Variants in PTPRQ observed in about 807,000 individuals in gnomAD.
The protein encoded by PTPRQ is phosphatidylinositol phosphatase PTPRQ.
A neutral mutation model predicts 246.0 loss-of-function variants in PTPRQ; 199 were observed. The ratio of observed to expected loss-of-function variants is 0.81; its 90% CI spans 0.72 to 0.91. The LOEUF is 0.91. Among genes scored for constraint, PTPRQ ranks in the 40% least tolerant of loss-of-function variants. The pLI is 0.00. For synonymous variants in PTPRQ, 869 were observed against 853.2 expected (o/e 1.02, Z -0.32); for missense variants, 2,624 against 2,528.4 (o/e 1.04, Z -0.81).
At chr12:80,480,633 T>C (rs1894009921) in intron 8 of PTPRQ, among the ~76,000 whole-genome samples, 1 of 151,328 alleles carries the variant, frequency 6.6e-6, no homozygotes, top group African/African-American at 2.4e-5. Context: ...CTAGCAAGAC[T>C]AATAAAGAAA....
At chr12:80,546,178 G>A (rs1445041122) in intron 23 of PTPRQ, among the ~76,000 whole-genome samples, 1 of 152,028 alleles carries the variant, frequency 6.6e-6, no homozygotes, top group Non-Finnish European at 1.5e-5. Context: ...TATTAGCTGG[G>A]TGTGGTGGCA....
In PTPRQ at chr12:80,634,980, C is replaced by A. The variant is rs1488844560; in HGVS notation, c.5822C>A (p.Ser1941Tyr). 1 of 1,551,094 alleles carries A rather than the reference C, an allele frequency of 6.4e-7. No individual in the cohort carries two copies. Among genetic ancestry groups the A allele is most frequent in the Admixed American group, 2.0e-5 (1 of 50,942 alleles). The change falls in exon 35 of 45, where the codon TCT becomes TAT. Residue 1941 changes from serine to tyrosine, a missense_variant. Coordinates refer to ENST00000644991, the MANE Select transcript of PTPRQ (RefSeq NM_001145026.2). ...RQKQKEGGTY[S>Y]PQDAEIIDTK... The stretch of plus-strand genomic sequence containing the variant: ...AAGCAGAAAGAAGGTGGCACATACT[C>A]TCCTCAGGATGCAGAAATTATTGAC...
chr12:80,588,411 G>A lies in PTPRQ; in HGVS notation c.4568G>A (p.Gly1523Asp). ...QVAASTNAGY[G>D]NASNWISTKT... Reference sequence around the variant, plus strand: ...GCTGCCAGCACCAATGCTGGCTATGGCAATGCTTCAAACTGGATTTCTACA... The same window carrying A: ...GCTGCCAGCACCAATGCTGGCTATGACAATGCTTCAAACTGGATTTCTACA... Residue 1523 changes from glycine to aspartate, a missense_variant, in exon 26 of 45, where the codon GGC (glycine) becomes GAC (aspartate). Transcript: ENST00000644991. 3 of 1,509,772 alleles carry A rather than the reference G, an allele frequency of 2.0e-6. No individual in the cohort carries two copies. Among genetic ancestry groups the A allele is most frequent in the Non-Finnish European group, 2.7e-6 (3 of 1,126,686 alleles). 93.5% of individuals were successfully genotyped at this position (1,509,772 alleles called of 1,614,324 possible).
intron 19 of PTPRQ, among the ~76,000 whole-genome samples, chr12:80,535,574 T>C (rs138625804): frequency 5.9e-5 from 9 of 152,332 alleles, no homozygotes; most frequent in African/African-American, 2.2e-4. Flanking sequence ...GGAATGTGTT[T>C]AATTAATTTG....
intron 35 of PTPRQ, among the ~76,000 whole-genome samples, chr12:80,642,976 T>C (rs984093227): frequency 6.8e-6 from 1 of 147,920 alleles, no homozygotes; most frequent in African/African-American, 2.5e-5. Context: ...TGCTAGGCAC[T>C]GTTTTAGGCA....
intron 14 of PTPRQ, among the ~76,000 whole-genome samples, chr12:80,500,507 C>T (rs978306680): frequency 6.6e-6 from 1 of 151,890 alleles, no homozygotes; most frequent in Non-Finnish European, 1.5e-5. Context: ...CAGACAACTG[C>T]AGAGAGAAAA....
chr12:80,494,921 G>A lies in PTPRQ; in HGVS notation c.1541-12G>A. 1 of 1,512,502 alleles carries A rather than the reference G, an allele frequency of 6.6e-7. No individual in the cohort carries two copies. Among genetic ancestry groups the A allele is most frequent in the Non-Finnish European group, 8.9e-7 (1 of 1,129,134 alleles). 93.7% of individuals were successfully genotyped at this position (1,512,502 alleles called of 1,614,324 possible). On this transcript the variant is annotated splice_polypyrimidine_tract_variant and intron_variant, in intron 10 of 44. Transcript: ENST00000644991. ...ACCTTTCTTTTTTTCTCTTTTTACT[G>A]AATTCAAACAGTAACTACAAGGAAT...
intron 25 of PTPRQ, among the ~76,000 whole-genome samples, chr12:80,568,626 A>G (rs961625031): frequency 6.6e-6 from 1 of 152,188 alleles, no homozygotes; most frequent in Non-Finnish European, 1.5e-5. Flanking sequence ...CGTTTATGTT[A>G]TATTCAAATT....
rs188264469 is a variant in PTPRQ at position 80,629,454 on chromosome 12, A to T, written c.5687-2738A>T. ...CCAGAAAGATATACAAGGCATACAC[A>T]CCTTTGCAGGCAGAGGAAGAAGCTG... On this transcript the variant is annotated intron_variant, in intron 33 of 44. Coordinates refer to ENST00000644991, the MANE Select transcript of PTPRQ (RefSeq NM_001145026.2). Among the ~76,000 whole-genome samples, 10 of 152,270 alleles carry T rather than the reference A, an allele frequency of 6.6e-5. No individual in the cohort carries two copies. In the East Asian group the frequency reaches 1.7e-3, roughly 26 times the overall value.
chr12:80,449,549 T>C (rs1406003076), intron 3 of PTPRQ, among the ~76,000 whole-genome samples: 3 of 152,198 alleles, frequency 2.0e-5, no homozygotes, highest in South Asian at 2.1e-4. Flanking sequence ...AATTGATTTT[T>C]GTATAAGGTG....
At chr12:80,588,865 C>A (rs932950963) in intron 26 of PTPRQ, among the ~76,000 whole-genome samples, 2 of 152,224 alleles carry the variant, frequency 1.3e-5, no homozygotes, top group African/African-American at 4.8e-5. Context: ...CTTACACACA[C>A]ACACGTGTGA....
intron 25 of PTPRQ, among the ~76,000 whole-genome samples, chr12:80,550,854 C>T (rs1209571459): frequency 6.6e-6 from 1 of 152,010 alleles, no homozygotes; most frequent in Non-Finnish European, 1.5e-5. Context: ...GAAAATTGTT[C>T]TCTTTCTGAA....
chr12:80,622,302 G>A (rs189248983), intron 33 of PTPRQ, among the ~76,000 whole-genome samples, 168 bp downstream of exon 33: 2 of 152,036 alleles, frequency 1.3e-5, no homozygotes, highest in African/African-American at 4.8e-5. Context: ...TTTTCTTTTA[G>A]GTTTAGGAGT....
intron 25 of PTPRQ, among the ~76,000 whole-genome samples, chr12:80,585,307 A>G (rs752883476): frequency 1.3e-5 from 2 of 152,054 alleles, no homozygotes; most frequent in Non-Finnish European, 2.9e-5. Context: ...CTGATATTTC[A>G]CATACCACAC....
chr12:80,658,657 G>T (rs943361537), intron 39 of PTPRQ, among the ~76,000 whole-genome samples: 3 of 151,842 alleles, frequency 2.0e-5, no homozygotes, highest in South Asian at 4.1e-4. Flanking sequence ...TTCCTAAGAC[G>T]GGATTCTATC....
At chr12:80,601,209 A>T (rs769267767) in intron 26 of PTPRQ, among the ~76,000 whole-genome samples, 27 of 151,708 alleles carry the variant, frequency 1.8e-4, no homozygotes, top group Non-Finnish European at 3.7e-4. Flanking sequence ...CTTGTGTATT[A>T]TATATTCATT....
chr12:80,526,397 A>G (rs1895687893), intron 17 of PTPRQ, among the ~76,000 whole-genome samples: 1 of 152,160 alleles, frequency 6.6e-6, no homozygotes, highest in African/African-American at 2.4e-5. Context: ...TGGTTTTTGT[A>G]TGGTGAATAG....
chr12:80,467,732 T>G (rs1213493367), intron 6 of PTPRQ, among the ~76,000 whole-genome samples: 2 of 148,290 alleles, frequency 1.3e-5, no homozygotes, highest in South Asian at 2.1e-4. Context: ...TTGGAAATCA[T>G]CATTCTCAGT....
chr12:80,568,253 A>AT (rs916014607), intron 25 of PTPRQ, among the ~76,000 whole-genome samples: 11 of 152,190 alleles, frequency 7.2e-5, no homozygotes. Context: ...AAACATAGAG[A>AT]TTTTTTTGTA....
Sources: allele counts gnomAD v4.1 joint callset (sites outside exome capture counted in the v4.1 genomes callset), GRCh38; gene constraint gnomAD v4.1.1; transcripts MANE v1.5; gene names NCBI Gene and HGNC (gene_info 2026-07-23, HGNC 2026-07-21).